Variants in OSBPL8 observed in about 807,000 individuals in gnomAD.
The protein encoded by OSBPL8 is oxysterol binding protein like 8.
Under a neutral mutation model 125.5 loss-of-function variants are expected in OSBPL8, and 59 were observed. That is an observed-to-expected ratio of 0.47 (90% confidence interval 0.38 to 0.58). OSBPL8 has a LOEUF of 0.58. Among genes scored for constraint, OSBPL8 ranks in the 20% least tolerant of loss-of-function variants. The pLI is 0.00. For synonymous variants in OSBPL8, 330 were observed against 338.9 expected, an observed-to-expected ratio of 0.97 and a Z score of 0.29; for missense variants, 758 against 1,047.8, an observed-to-expected ratio of 0.72 and a Z score of 3.82.
chr12:76,384,459 A>G (rs1391319516), intron 14 of OSBPL8, 109 bp from the exon 15 acceptor site: 4 of 551,580 alleles, frequency 7.3e-6, no homozygotes, highest in Non-Finnish European at 8.6e-6. Flanking sequence ...CAAGTCTTAT[A>G]ATGAGTAAGA....
At chr12:76,446,121 G>A (rs1872698070) in intron 4 of OSBPL8, among the ~76,000 whole-genome samples, 1 of 152,038 alleles carries the variant, frequency 6.6e-6, no homozygotes, top group Non-Finnish European at 1.5e-5. Context: ...ATGAGCTAAG[G>A]CATATAAAAG....
At chr12:76,358,175 CTTTT>C (rs60714321) in intron 22 of OSBPL8, among the ~76,000 whole-genome samples, 2 of 100,192 alleles carry the variant, frequency 2.0e-5, no homozygotes, top group Non-Finnish European at 1.9e-5. Context: ...GAGTGTGGTT[CTTTT>C]TTTTTTTTTT....
intron 5 of OSBPL8, among the ~76,000 whole-genome samples, chr12:76,405,786 G>T (rs374744018): frequency 9.2e-5 from 14 of 152,098 alleles, no homozygotes; most frequent in East Asian, 3.9e-4. Context: ...AAGTTTCCCT[G>T]CCTTCATAAA....
Position 76,435,131 on chromosome 12 carries a change from C to T in OSBPL8, c.217+15720G>A, listed in dbSNP as rs190377130. Among the ~76,000 whole-genome samples the T allele has an allele frequency of 1.5e-3, 225 of 150,356 alleles. 1 individual carries two copies. The highest frequency in any genetic ancestry group is 5.4e-3 in the African/African-American group (219 of 40,576). The stretch of plus-strand genomic sequence containing the variant: ...ATGTCCACTGCAGAGAATGGATAAA[C>T]TGAGGTGTTTGTGTATATATCTACG... On this transcript the variant is annotated intron_variant, in intron 4 of 23. Coordinates refer to ENST00000261183, the MANE Select transcript of OSBPL8 (RefSeq NM_020841.5).
rs779850748 is a variant in OSBPL8, at chr12:76,547,073, G to A, written c.-68+12324C>T. On this transcript the variant is annotated intron_variant, in intron 1 of 23. Transcript: ENST00000261183. Reference sequence around the variant, plus strand: ...GTAGTCAGCATTTTTTAAATCTGGCGTGTAAAAACCTCTGACTGCAGGAGA... The same window carrying A: ...GTAGTCAGCATTTTTTAAATCTGGCATGTAAAAACCTCTGACTGCAGGAGA... Among the ~76,000 whole-genome samples the A allele has an allele frequency of 1.1e-4, 17 of 152,256 alleles. 1 individual carries two copies. Among genetic ancestry groups the A allele is most frequent in the Admixed American group, 4.6e-4 (7 of 15,296 alleles).
At chr12:76,531,895 G>A (rs1950348618) in intron 1 of OSBPL8, among the ~76,000 whole-genome samples, 1 of 151,988 alleles carries the variant, frequency 6.6e-6, no homozygotes, top group Non-Finnish European at 1.5e-5. Flanking sequence ...AAATTAGCCA[G>A]GCATGGTGGT....
chr12:76,359,275 G>A (rs1952106007), intron 21 of OSBPL8, among the ~76,000 whole-genome samples: 1 of 152,042 alleles, frequency 6.6e-6, no homozygotes, highest in South Asian at 2.1e-4. Context: ...AACAATGCTG[G>A]GTTTCCAGTA....
intron 16 of OSBPL8, among the ~76,000 whole-genome samples, chr12:76,375,756 A>AT (rs34031765): frequency 6.6e-6 from 1 of 151,242 alleles, no homozygotes; most frequent in Admixed American, 6.6e-5. Flanking sequence ...AAAAAAAAAA[A>AT]GTGTCCTTTT....
At chr12:76,476,941 G>T (rs1413192671) in intron 2 of OSBPL8, among the ~76,000 whole-genome samples, 3 of 152,126 alleles carry the variant, frequency 2.0e-5, no homozygotes, top group Admixed American at 2.0e-4. Context: ...TCTGTTAAAT[G>T]ACCAAATGAG....
intron 1 of OSBPL8, among the ~76,000 whole-genome samples, chr12:76,500,677 C>T (rs1039427224): frequency 1.3e-5 from 2 of 152,138 alleles, no homozygotes; most frequent in African/African-American, 4.8e-5. Flanking sequence ...ACAAATCTTC[C>T]TTCAAGGACT....
chr12:76,558,977 A>C (rs1951191186), intron 1 of OSBPL8, among the ~76,000 whole-genome samples: 1 of 152,226 alleles, frequency 6.6e-6, no homozygotes, highest in South Asian at 2.1e-4. Flanking sequence ...TGCGCGGCAC[A>C]GCCTTCTCTG....
At chr12:76,411,391 A>C (rs1281777187) in intron 4 of OSBPL8, among the ~76,000 whole-genome samples, 1 of 152,134 alleles carries the variant, frequency 6.6e-6, no homozygotes, top group African/African-American at 2.4e-5. Flanking sequence ...GAGGACAGGT[A>C]CTATTAACTC....
chr12:76,549,098 A>AG (rs1325836484), intron 1 of OSBPL8, among the ~76,000 whole-genome samples: 8 of 152,144 alleles, frequency 5.3e-5, no homozygotes, highest in Admixed American at 6.5e-5. Flanking sequence ...AAAATACTAA[A>AG]GGGGAAAAAA....
chr12:76,420,789 C>T (rs1195455864), intron 4 of OSBPL8, among the ~76,000 whole-genome samples: 5 of 152,056 alleles, frequency 3.3e-5, no homozygotes, highest in Admixed American at 6.5e-5. Flanking sequence ...CAACAAAAAG[C>T]CACTTCTTTG....
chr12:76,385,346 A>C (rs1342839396), intron 14 of OSBPL8, among the ~76,000 whole-genome samples: 1 of 152,196 alleles, frequency 6.6e-6, no homozygotes, highest in African/African-American at 2.4e-5. Context: ...TTATGCAGAC[A>C]GAAGACTGAA....
At chr12:76,536,079 T>A (rs1950489347) in intron 1 of OSBPL8, among the ~76,000 whole-genome samples, 2 of 152,082 alleles carry the variant, frequency 1.3e-5, no homozygotes, top group Admixed American at 6.6e-5. Flanking sequence ...GTATTTTTTT[T>A]AAGTGATATT....
chr12:76,389,575 A>C, intron 12 of OSBPL8, 70 bp downstream of exon 12: 1 of 1,238,680 alleles, frequency 8.1e-7, no homozygotes, highest in South Asian at 2.0e-5. Flanking sequence ...ACGATAATTG[A>C]AAATAGCATT....
At chr12:76,376,281 G>C (rs1006341393) in intron 16 of OSBPL8, among the ~76,000 whole-genome samples, 1 of 152,252 alleles carries the variant, frequency 6.6e-6, no homozygotes, top group Non-Finnish European at 1.5e-5. Flanking sequence ...GGTTGTGTGT[G>C]TATCTGCTGT....
At chr12:76,360,725 T>C (rs1229716888) in intron 21 of OSBPL8, among the ~76,000 whole-genome samples, 1 of 152,244 alleles carries the variant, frequency 6.6e-6, no homozygotes, top group African/African-American at 2.4e-5. Flanking sequence ...AATTCTTGAC[T>C]TCTGTGCACC....
Sources: gnomAD v4.1 joint callset for allele counts (sites outside exome capture counted in the v4.1 genomes callset) on GRCh38, gnomAD v4.1.1 for gene constraint, MANE v1.5 for transcripts, NCBI Gene and HGNC (gene_info 2026-07-23, HGNC 2026-07-21) for gene names.